KRT6A: variants seen among roughly 807,000 people sequenced by gnomAD.
KRT6A encodes keratin, type II cytoskeletal 6A.
A neutral mutation model predicts 48.6 loss-of-function variants in KRT6A; 28 were observed. The observed-to-expected ratio is 0.58, with a 90% CI of 0.43 to 0.79. The LOEUF (loss-of-function observed/expected upper bound fraction) is 0.79. Among genes scored for constraint, KRT6A ranks in the 30% least tolerant of loss-of-function variants. KRT6A has a pLI of 0.00. For synonymous variants in KRT6A, 301 were observed against 294.2 expected (o/e 1.02, Z -0.24); for missense variants, 687 against 724.3 (o/e 0.95, Z 0.59).
chr12:52,492,548 G>A (rs908176454), intron 1 of KRT6A, 101 bp downstream of exon 1: 10 of 1,603,406 alleles, frequency 6.2e-6, no homozygotes, highest in Non-Finnish European at 8.5e-6. Context: ...GCTGGGCTGA[G>A]TCCTCTTCTC....
chr12:52,489,076 C>T (rs1565585671), intron 6 of KRT6A, among the ~76,000 whole-genome samples: 1 of 152,160 alleles, frequency 6.6e-6, no homozygotes, highest in Non-Finnish European at 1.5e-5. Context: ...AAACAATGTT[C>T]CTTGTGCTTT....
intron 6 of KRT6A, among the ~76,000 whole-genome samples, chr12:52,489,470 G>T (rs143488775): frequency 6.6e-6 from 1 of 151,922 alleles, no homozygotes; most frequent in Non-Finnish European, 1.5e-5. Flanking sequence ...TAATAGAGGC[G>T]GCGTTTCACC....
At chr12:52,489,481 A>T (rs1317233797) in intron 6 of KRT6A, among the ~76,000 whole-genome samples, 1 of 151,938 alleles carries the variant, frequency 6.6e-6, no homozygotes, top group East Asian at 1.9e-4. Context: ...GCGTTTCACC[A>T]TGTTGGTCAG....
rs61730612 is a variant in KRT6A at position 52,488,508 on chromosome 12, C to T, written c.1244G>A (p.Arg415His). The T allele has an allele frequency of 3.5e-4, 564 of 1,614,132 alleles. No individual in the cohort carries two copies. The African/African-American group carries it at 4.4e-3, about 13-fold the overall frequency. ...LQAAIADAEQ[R>H]GEMALKDAKN... The stretch of plus-strand genomic sequence containing the variant: ...GGCATCCTTGAGGGCCATCTCCCCA[C>T]GCTGCTCAGCATCAGCAATGGCGGC... The change falls in exon 7 of 9, where the codon CGT becomes CAT. Residue 415 changes from arginine to histidine, a missense_variant. Physicochemically the swap from Arg to His is conservative, Grantham distance 29. This residue lies in a region of KRT6A where 566 missense variants were observed against 565.3 expected (regional missense o/e 1.00). Transcript: ENST00000330722.
chr12:52,490,650 G>A lies in KRT6A; in HGVS notation c.996C>T (p.Ser332=), dbSNP rs1938243369. 6.2e-7 allele frequency: 1 copy of A among 1,614,088 alleles called. No individual in the cohort carries two copies. Among genetic ancestry groups the A allele is most frequent in the African/African-American group, 1.3e-5 (1 of 74,918 alleles). ...ATTGGGCCTTGACCTCAGCGATGAT[G>A]CTGTCCAGGTCCAGGTTGCGGTTGT... ...MDNNRNLDLD[S]IIAEVKAQYE... The change falls in exon 5 of 9, where the codon AGC becomes AGT. Residue 332 remains serine (S), a synonymous_variant. Coordinates refer to ENST00000330722, the MANE Select transcript of KRT6A (RefSeq NM_005554.4).
At chr12:52,491,196 A>G (rs1555153259) in intron 2 of KRT6A, 24 bp from the exon 3 acceptor site, 2 of 1,613,954 alleles carry the variant, frequency 1.2e-6, no homozygotes, top group Non-Finnish European at 1.7e-6. Flanking sequence ...GGCATGGGAC[A>G]CATTTGAGCC....
intron 2 of KRT6A, 112 bp downstream of exon 2, chr12:52,491,410 A>T: frequency 6.9e-7 from 1 of 1,439,614 alleles, no homozygotes; most frequent in East Asian, 2.3e-5. Context: ...TGTGCTCTTC[A>T]TTTCCACGGA....
Position 52,491,732 on chromosome 12 carries a change from C to T in KRT6A, c.545G>A (p.Arg182Gln), listed in dbSNP as rs367973525. The T allele has an allele frequency of 1.2e-4, 192 of 1,614,004 alleles. No individual in the cohort carries two copies. The highest frequency in any genetic ancestry group is 1.4e-4 in the Non-Finnish European group (162 of 1,180,038). The change falls in exon 2 of 9, where the codon CGG becomes CAG. Residue 182 changes from arginine (R) to glutamine (Q), a missense_variant. Physicochemically the swap from Arg to Gln is conservative, Grantham distance 43 (BLOSUM62 1). This residue lies in a region of KRT6A where 566 missense variants were observed against 565.3 expected (regional missense o/e 1.00). Transcript: ENST00000330722. ...NKFASFIDKV[R>Q]FLEQQNKVLE... ...AACCTTGTTCTGCTGCTCCAGGAAC[C>T]GCACCTGAAAGAGAGACAAGATGAT...
intron 2 of KRT6A, 138 bp downstream of exon 2, chr12:52,491,384 C>G: frequency 7.4e-7 from 1 of 1,351,636 alleles, no homozygotes. Flanking sequence ...TGCAGGTTTG[C>G]TCCTAGGGAC....
rs764818801 is a variant in KRT6A, at chr12:52,491,155, T to G, written c.773A>C (p.Asn258Thr). 6.8e-6 allele frequency: 11 copies of G among 1,613,998 alleles called. No individual in the cohort carries two copies. Among genetic ancestry groups the G allele is most frequent in the Non-Finnish European group, 8.5e-6 (10 of 1,179,862 alleles). ...DFKNKYEDEINKRTAAENEFV... is the reference protein window; with the variant it reads ...DFKNKYEDEITKRTAAENEFV... ...TTCATTCTCTGCTGCTGTGCGCTTG[T>G]TGATTTCATCCTCATATCTACAGGA... is the stretch of plus-strand genomic sequence containing the variant. Residue 258 changes from asparagine (N) to threonine (T), a missense_variant, in exon 3 of 9, where the codon AAC (asparagine) becomes ACC (threonine). Transcript: ENST00000330722.
intron 7 of KRT6A, 79 bp downstream of exon 7, chr12:52,488,249 T>A: frequency 1.2e-6 from 2 of 1,613,322 alleles, no homozygotes; most frequent in Non-Finnish European, 1.7e-6. Flanking sequence ...CCATGGGCAG[T>A]GCACCTTAAA....
chr12:52,490,958 G>A lies in KRT6A; in HGVS notation c.817-5C>T, dbSNP rs775806239. On this transcript the variant is annotated splice_polypyrimidine_tract_variant and splice_region_variant and intron_variant, in intron 3 of 8. Transcript: ENST00000330722. ...CATGTAGGCAGCATCCACATCCTGG[G>A]GAAAGAGCCAACAACCTGGAGTTAC... 2 of 1,613,874 alleles carry A rather than the reference G, an allele frequency of 1.2e-6. No homozygotes were observed. Among genetic ancestry groups the A allele is most frequent in the Non-Finnish European group, 1.7e-6 (2 of 1,179,878 alleles).
Position 52,492,837 on chromosome 12 carries a change from G to A in KRT6A, c.352C>T (p.Leu118Phe). The change falls in exon 1 of 9, where the codon CTT becomes TTT. Residue 118 changes from leucine (L) to phenylalanine (F), a missense_variant. Leu to Phe is a conservative substitution (Grantham distance 22). Around this residue, in one of 3 missense-constraint regions of KRT6A, gnomAD observed 566 missense variants for 565.3 expected, o/e 1.00. Transcript: ENST00000330722. ...CCAGGGCCCCCAAAGCCACCAGCAA[G>A]GCCGGCTCCACCACCCAGACCAAAG... ...IGFGLGGGAG[L>F]AGGFGGPGFP... 6.2e-7 allele frequency: 1 copy of A among 1,611,512 alleles called. No homozygotes were observed. Among genetic ancestry groups the A allele is most frequent in the African/African-American group, 1.3e-5 (1 of 74,718 alleles).
At position 52,490,905 on chromosome 12, in the gene KRT6A, C is replaced by T; in HGVS notation, c.865G>A (p.Asp289Asn). The change falls in exon 4 of 9, where the codon GAC (aspartate) becomes AAC (asparagine). Residue 289 changes from aspartate to asparagine, a missense_variant. By Grantham distance (23) the Asp-to-Asn change is conservative. This residue lies in a region of KRT6A where 566 missense variants were observed against 565.3 expected (regional missense o/e 1.00). Transcript: ENST00000330722. ...MNKVELQAKA[D>N]TLTDEINFLR... Reference sequence around the variant, plus strand: ...AAGTTGATCTCGTCTGTGAGAGTGTCTGCCTTGGCTTGCAGTTCAACCTTG... The same window carrying T: ...AAGTTGATCTCGTCTGTGAGAGTGTTTGCCTTGGCTTGCAGTTCAACCTTG... The T allele has an allele frequency of 6.2e-7, 1 of 1,614,020 alleles. No individual in the cohort carries two copies.
In KRT6A at chr12:52,493,195, A is replaced by G. The variant is rs1484456414; in HGVS notation, c.-7T>C. The G allele has an allele frequency of 1.2e-6, 2 of 1,614,016 alleles. No homozygotes were observed. Among genetic ancestry groups the G allele is most frequent in the Admixed American group, 1.7e-5 (1 of 60,010 alleles). On this transcript the variant is annotated 5_prime_UTR_variant, in exon 1 of 9. Transcript: ENST00000330722. Reference sequence around the variant, plus strand: ...TGGTGGATGTGCTGGCCATGGTTCCAGGAGATGAGAGAGCTGAGGAGAGTG... The same window carrying G: ...TGGTGGATGTGCTGGCCATGGTTCCGGGAGATGAGAGAGCTGAGGAGAGTG...
intron 5 of KRT6A, 139 bp downstream of exon 5, chr12:52,490,430 C>T: frequency 2.8e-6 from 4 of 1,425,618 alleles, no homozygotes; most frequent in Non-Finnish European, 3.9e-6. Flanking sequence ...CTGCAAATGT[C>T]TACTCTAATA....
At chr12:52,490,982 A>G (rs371702635) in intron 3 of KRT6A, 29 bp from the exon 4 acceptor site, 73 of 1,613,858 alleles carry the variant, frequency 4.5e-5, no homozygotes, top group Non-Finnish European at 5.4e-5. Flanking sequence ...ACCTGGAGTT[A>G]CCTGAGCTCA....
chr12:52,490,059 G>T lies in KRT6A; in HGVS notation c.1087C>A (p.Leu363Met), dbSNP rs1182331110. The change falls in exon 6 of 9, where the codon CTG becomes ATG. Residue 363 changes from leucine to methionine, a missense_variant. By Grantham distance (15) the Leu-to-Met change is conservative (BLOSUM62 2). Around this residue, in one of 3 missense-constraint regions of KRT6A, gnomAD observed 566 missense variants for 565.3 expected, o/e 1.00. Coordinates refer to ENST00000330722, the MANE Select transcript of KRT6A (RefSeq NM_005554.4). ...CCATGTCTGCCTGCTGTGACCTGCA[G>T]CTCCTCGTACTGCAGCCCAGAGGTG... ...ESWYQTKYEE[L>M]QVTAGRHGDD... 5 of 1,613,946 alleles carry T rather than the reference G, an allele frequency of 3.1e-6. No individual in the cohort carries two copies. Among genetic ancestry groups the T allele is most frequent in the South Asian group, 1.1e-5 (1 of 91,082 alleles).
At chr12:52,491,239 G>A in intron 2 of KRT6A, 67 bp from the exon 3 acceptor site, 1 of 1,609,644 alleles carries the variant, frequency 6.2e-7, no homozygotes, top group Admixed American at 1.7e-5. Context: ...AGCAGCCTGG[G>A]ATTCAACATT....
Sources: gnomAD v4.1 joint callset for allele counts (sites outside exome capture counted in the v4.1 genomes callset) on GRCh38, gnomAD v4.1.1 for gene constraint, gnomAD v4.1.1 regional missense constraint, MANE v1.5 for transcripts, NCBI Gene and HGNC (gene_info 2026-07-23, HGNC 2026-07-21) for gene names.